The following TBCD variants were observed in gnomAD, a reference collection of about 807,000 sequenced individuals.
TBCD encodes the protein tubulin folding cofactor D, also known as tubulin-specific chaperone D.
A neutral mutation model predicts 169.3 loss-of-function variants in TBCD; 105 were observed. That is an observed-to-expected ratio of 0.62 (90% CI 0.53 to 0.73). The LOEUF is 0.73. Among genes scored for constraint, TBCD ranks in the 30% least tolerant of loss-of-function variants. The probability of loss-of-function intolerance (pLI) is 0.00; values close to 1 mark genes in which losing one functional copy is unlikely to be tolerated. For synonymous variants in TBCD, 700 were observed against 643.9 expected (o/e 1.09, Z -1.32); for missense variants, 1,444 against 1,600.1 (o/e 0.90, Z 1.66).
At chr17:82,823,706 C>T (rs1253203185) in intron 13 of TBCD, among the ~76,000 whole-genome samples, 1 of 152,062 alleles carries the variant, frequency 6.6e-6, no homozygotes, top group African/African-American at 2.4e-5. Context: ...TGTAATTCGT[C>T]TACCATATAA....
intron 22 of TBCD, among the ~76,000 whole-genome samples, chr17:82,910,503 C>T (rs981934364): frequency 6.6e-6 from 1 of 152,080 alleles, no homozygotes; most frequent in Non-Finnish European, 1.5e-5. Context: ...GATGCCAGCT[C>T]TTTGTCACAC....
At chr17:82,887,094 C>T (rs1018585672) in intron 15 of TBCD, among the ~76,000 whole-genome samples, 6 of 151,148 alleles carry the variant, frequency 4.0e-5, no homozygotes, top group Admixed American at 4.0e-4. Flanking sequence ...AGCCAACCCA[C>T]CAGTCTTATT....
intron 13 of TBCD, among the ~76,000 whole-genome samples, chr17:82,843,504 GCTTACTTACCCTTCCCTTCCCCTCACCA>G (rs2054724973): frequency 6.4e-5 from 6 of 93,618 alleles, no homozygotes; most frequent in African/African-American, 2.9e-4. Flanking sequence ...TCACCATCCA[GCTTACTTACCCTTCCCTTCCCCTCACCA>G]TCCAGCTTAC....
rs2091200367 is a variant in TBCD, at chr17:82,939,405, G to A, written c.3408G>A (p.Leu1136=). The A allele has an allele frequency of 1.9e-6, 3 of 1,613,378 alleles. No individual in the cohort carries two copies. Among genetic ancestry groups the A allele is most frequent in the Admixed American group, 1.7e-5 (1 of 59,986 alleles). ...CGGCCAGCCAGGTGTACGAGACATT[G>A]CTCACCTACAGTGACGTCGTGGGCG... ...KTTASQVYET[L]LTYSDVVGAD... is the part of the protein sequence containing the mutation. The change falls in exon 37 of 39, where the codon TTG becomes TTA. Residue 1136 remains leucine (L), a synonymous_variant. Coordinates refer to ENST00000355528, the MANE Select transcript of TBCD (RefSeq NM_005993.5).
intron 13 of TBCD, among the ~76,000 whole-genome samples, chr17:82,869,680 T>C (rs2057422402): frequency 6.6e-6 from 1 of 152,254 alleles, no homozygotes; most frequent in South Asian, 2.1e-4. Flanking sequence ...AAGTCAGCAC[T>C]GTAGGAGCCG....
chr17:82,825,295 G>A (rs983050257), intron 13 of TBCD, among the ~76,000 whole-genome samples: 8 of 152,186 alleles, frequency 5.3e-5, no homozygotes, highest in Admixed American at 2.0e-4. Flanking sequence ...TCTTGGGGGT[G>A]TGATGTGAGA....
At chr17:82,841,509 A>C (rs2054525798) in intron 13 of TBCD, among the ~76,000 whole-genome samples, 1 of 151,968 alleles carries the variant, frequency 6.6e-6, no homozygotes, top group Non-Finnish European at 1.5e-5. Context: ...GGGTTTTGCC[A>C]TGTTTCCTAG....
intron 7 of TBCD, among the ~76,000 whole-genome samples, chr17:82,787,713 C>T (rs2049415645): frequency 6.6e-6 from 1 of 152,224 alleles, no homozygotes; most frequent in South Asian, 2.1e-4. Flanking sequence ...CAGGTGAACT[C>T]TCAACAAGTA....
chr17:82,819,057 CAAAA>C (rs991024026), intron 13 of TBCD, among the ~76,000 whole-genome samples: 3 of 149,992 alleles, frequency 2.0e-5, no homozygotes, highest in East Asian at 3.9e-4. Context: ...GATCCTGTCT[CAAAA>C]AAAAGAAAAA....
chr17:82,919,986 G>C (rs3744155), intron 23 of TBCD, among the ~76,000 whole-genome samples: 15,217 of 152,232 alleles, frequency 0.1, 1,049 homozygotes, highest in South Asian at 0.29. Context: ...AGGTAGAGAC[G>C]GTGGGAGCTA....
chr17:82,844,299 T>G (rs2054817647), intron 13 of TBCD, among the ~76,000 whole-genome samples: 1 of 150,654 alleles, frequency 6.6e-6, no homozygotes. Context: ...CTCAAGTGCT[T>G]CTCCTGCCTC....
At chr17:82,858,533 G>A in intron 13 of TBCD, 1 of 980,608 alleles carries the variant, frequency 1.0e-6, no homozygotes, top group South Asian at 4.8e-5. Context: ...CAGTTGACTT[G>A]AAATTCAGGT....
intron 22 of TBCD, among the ~76,000 whole-genome samples, chr17:82,911,393 A>C (rs2060632413): frequency 6.6e-6 from 1 of 152,216 alleles, no homozygotes. Flanking sequence ...CTCATGGTAG[A>C]ACCGCAGTGC....
chr17:82,939,028 TCTC>T, intron 36 of TBCD: 1 of 397,738 alleles, frequency 2.5e-6, no homozygotes, highest in Non-Finnish European at 4.6e-6. Flanking sequence ...CGAGATTGCT[TCTC>T]TGGTGAGGGA....
rs763199380 is a variant in TBCD at position 82,937,258 on chromosome 17, G to A, written c.3192-13G>A. The A allele has an allele frequency of 6.2e-6, 10 of 1,613,466 alleles. No homozygotes were observed. The Admixed American group carries it at 1.2e-4, about 19-fold the overall frequency. ...GTGAAAGCTCATCTCTAAAGTGTGT[G>A]TTGTTCTTCCAGCCACCCCTTTGCT... On this transcript the variant is annotated splice_polypyrimidine_tract_variant and intron_variant, in intron 34 of 38. Coordinates refer to ENST00000355528, the MANE Select transcript of TBCD (RefSeq NM_005993.5).
intron 13 of TBCD, among the ~76,000 whole-genome samples, chr17:82,858,353 C>T (rs967519924): frequency 2.0e-5 from 3 of 152,180 alleles, no homozygotes; most frequent in Admixed American, 6.5e-5. Flanking sequence ...TTTTAATGAA[C>T]ATCTTTCTAC....
Position 82,923,648 on chromosome 17 carries a change from T to G in TBCD, c.2179-4T>G. On this transcript the variant is annotated splice_polypyrimidine_tract_variant and splice_region_variant and intron_variant, in intron 25 of 38. Transcript: ENST00000355528. This position sits in a 1 kb window ranked among gnomAD's most constrained non-coding sequence, Gnocchi z 4.6. ...GTGCGCTCACCGTGCTGCCTTTGTT[T>G]TAGGATGCAGCAGTCTCGGCCCTGG... 1.3e-6 allele frequency: 2 copies of G among 1,569,136 alleles called. No homozygotes were observed. Among genetic ancestry groups the G allele is most frequent in the South Asian group, 1.2e-5 (1 of 85,324 alleles).
intron 2 of TBCD, among the ~76,000 whole-genome samples, chr17:82,762,916 C>T: frequency 6.6e-6 from 1 of 152,196 alleles, no homozygotes; most frequent in African/African-American, 2.4e-5. Context: ...CTCGTTGTGT[C>T]CTTCTCTGCG....
chr17:82,758,396 A>AGATAAAT (rs1263110597), intron 2 of TBCD, among the ~76,000 whole-genome samples: 3 of 123,106 alleles, frequency 2.4e-5, no homozygotes, highest in African/African-American at 8.3e-5. Context: ...AAAAAAAAAA[A>AGATAAAT]AAAAAAATAA....
Sources: allele counts gnomAD v4.1 joint callset (sites outside exome capture counted in the v4.1 genomes callset), GRCh38; gene constraint gnomAD v4.1.1; non-coding constraint Gnocchi (gnomAD v3.1); transcripts MANE v1.5; gene names NCBI Gene and HGNC (gene_info 2026-07-23, HGNC 2026-07-21).